Variants in STARD13 observed in about 807,000 individuals in gnomAD.
The protein encoded by STARD13 is stAR-related lipid transfer protein 13.
A neutral mutation model predicts 106.4 loss-of-function variants in STARD13; 62 were observed. The ratio of observed to expected loss-of-function variants is 0.58; its 90% CI spans 0.48 to 0.72. The LOEUF is 0.72. Among genes scored for constraint, STARD13 ranks in the 30% least tolerant of loss-of-function variants. The pLI, the probability that STARD13 is intolerant of heterozygous loss-of-function variation, is 0.00. For synonymous variants in STARD13, 565 were observed against 553.0 expected, an observed-to-expected ratio of 1.02 and a Z score of -0.31; for missense variants, 1,387 against 1,424.0, an observed-to-expected ratio of 0.97 and a Z score of 0.42.
the STARD13 span, among the ~76,000 whole-genome samples, chr13:33,554,177 TTAAA>T: frequency 6.6e-6 from 1 of 152,326 alleles, no homozygotes; most frequent in East Asian, 1.9e-4. Flanking sequence ...GGGAGGAACA[TTAAA>T]TACTCAGGAG....
At chr13:33,464,066 T>C in the STARD13 span, among the ~76,000 whole-genome samples, 1 of 149,422 alleles carries the variant, frequency 6.7e-6, no homozygotes, top group Admixed American at 6.7e-5. Flanking sequence ...TATATGTATG[T>C]ATGCATAGCA....
the STARD13 span, among the ~76,000 whole-genome samples, chr13:33,629,174 C>T: frequency 6.6e-6 from 1 of 152,298 alleles, no homozygotes; most frequent in East Asian, 1.9e-4. Context: ...ACTCCACGGG[C>T]CAAACGCCAT....
chr13:33,190,588 CTTTT>C (rs71196510), intron 1 of STARD13, among the ~76,000 whole-genome samples: 2 of 131,196 alleles, frequency 1.5e-5, no homozygotes, highest in Non-Finnish European at 1.6e-5. Flanking sequence ...CTTTTCTTTT[CTTTT>C]TTTTTTTTTT....
chr13:33,415,396 C>A, the STARD13 span, among the ~76,000 whole-genome samples: 1 of 152,044 alleles, frequency 6.6e-6, no homozygotes, highest in Non-Finnish European at 1.5e-5. Flanking sequence ...TAAATAAATG[C>A]CTGTCAAGCA....
chr13:33,295,705 G>C (rs948188129), intron 1 of STARD13, among the ~76,000 whole-genome samples: 5 of 140,036 alleles, frequency 3.6e-5, no homozygotes, highest in Non-Finnish European at 6.2e-5. Context: ...GAGGGTGCCC[G>C]GGGGGGGCAG....
downstream of STARD13, among the ~76,000 whole-genome samples, chr13:33,345,426 G>A (rs1340433848): frequency 6.6e-6 from 1 of 152,176 alleles, no homozygotes; most frequent in African/African-American, 2.4e-5. Flanking sequence ...AAAGTCCAGG[G>A]AGGAGGCCAT....
intron 1 of STARD13, chr13:33,281,558 C>A (rs1259980914): frequency 6.6e-6 from 1 of 151,980 alleles, no homozygotes. Context: ...CCAATTCTCC[C>A]ACCTTACACC....
chr13:33,212,683 C>T (rs1166288940), intron 1 of STARD13, among the ~76,000 whole-genome samples: 2 of 152,152 alleles, frequency 1.3e-5, no homozygotes, highest in Non-Finnish European at 2.9e-5. Flanking sequence ...CAATTTCACT[C>T]GCAAGCATTC....
At chr13:33,556,343 G>A in the STARD13 span, among the ~76,000 whole-genome samples, 3 of 152,020 alleles carry the variant, frequency 2.0e-5, no homozygotes, top group Non-Finnish European at 4.4e-5. Flanking sequence ...GTGCAGTGGC[G>A]TGATTCTAGG....
chr13:33,224,711 A>G (rs988753625), intron 1 of STARD13, among the ~76,000 whole-genome samples: 3 of 152,266 alleles, frequency 2.0e-5, no homozygotes, highest in Non-Finnish European at 4.4e-5. Flanking sequence ...ATATTTTGTC[A>G]ATAGCTAATT....
intron 7 of STARD13, among the ~76,000 whole-genome samples, chr13:33,124,939 G>A (rs1007220736): frequency 6.6e-6 from 1 of 152,154 alleles, no homozygotes; most frequent in Middle Eastern, 3.2e-3. Flanking sequence ...CCCACCCTCT[G>A]CGATGACATA....
the STARD13 span, among the ~76,000 whole-genome samples, chr13:33,641,507 G>C: frequency 2.0e-5 from 3 of 152,220 alleles, no homozygotes; most frequent in African/African-American, 7.2e-5. Flanking sequence ...CCTTGGGGAA[G>C]AGTGATTCTA....
At chr13:33,544,890 C>T in the STARD13 span, among the ~76,000 whole-genome samples, 1 of 150,952 alleles carries the variant, frequency 6.6e-6, no homozygotes, top group South Asian at 2.1e-4. Flanking sequence ...TCTCCTGCCT[C>T]AACCTCCTGA....
intron 7 of STARD13, among the ~76,000 whole-genome samples, chr13:33,119,653 T>C (rs1299532318): frequency 2.0e-5 from 3 of 152,234 alleles, no homozygotes; most frequent in Admixed American, 6.5e-5. Context: ...CACTGCTACT[T>C]TTTGTGGCCA....
upstream of STARD13, among the ~76,000 whole-genome samples, chr13:33,287,559 G>A (rs1413403513): frequency 6.6e-6 from 1 of 152,044 alleles, no homozygotes; most frequent in African/African-American, 2.4e-5. Flanking sequence ...GTCTGTGGAA[G>A]GTGAAAGGGA....
intron 1 of STARD13, among the ~76,000 whole-genome samples, chr13:33,255,707 T>C (rs1890328222): frequency 6.6e-6 from 1 of 152,006 alleles, no homozygotes; most frequent in Non-Finnish European, 1.5e-5. Context: ...CATAAAGAGA[T>C]TTCCATCCTT....
the STARD13 span, among the ~76,000 whole-genome samples, chr13:33,370,628 T>G: frequency 4.7e-5 from 7 of 148,940 alleles, no homozygotes; most frequent in Non-Finnish European, 1.0e-4. Context: ...TCTTTTTTTT[T>G]TTTTTTTTGA....
chr13:33,540,624 T>C, the STARD13 span, among the ~76,000 whole-genome samples: 1 of 152,244 alleles, frequency 6.6e-6, no homozygotes, highest in Non-Finnish European at 1.5e-5. Flanking sequence ...AGCAATACCA[T>C]GTATAAAGGG....
chr13:33,238,051 C>G (rs892005317), intron 1 of STARD13, among the ~76,000 whole-genome samples: 4 of 152,170 alleles, frequency 2.6e-5, no homozygotes, highest in African/African-American at 9.7e-5. Flanking sequence ...TTGAGATTAG[C>G]TCTTCTACTG....
Sources: gnomAD v4.1 joint callset for allele counts (sites outside exome capture counted in the v4.1 genomes callset) on GRCh38, gnomAD v4.1.1 for gene constraint, MANE v1.5 for transcripts, NCBI Gene and HGNC (gene_info 2026-07-23, HGNC 2026-07-21) for gene names.